The following LRRTM4 variants were observed in gnomAD, a reference collection of about 807,000 sequenced individuals.
LRRTM4 encodes leucine-rich repeat transmembrane neuronal protein 4.
Under a neutral mutation model 47.6 loss-of-function variants are expected in LRRTM4, and 25 were observed. The ratio of observed to expected loss-of-function variants is 0.53; its 90% CI spans 0.38 to 0.73. LRRTM4 has a LOEUF of 0.73. Ranked by LOEUF, LRRTM4 falls within the 30% of genes least tolerant of loss-of-function variation. The pLI is 0.00. For synonymous variants in LRRTM4, 311 were observed against 269.5 expected (o/e 1.15, Z -1.51); for missense variants, 638 against 713.4 (o/e 0.89, Z 1.20).
chr2:76,856,233 C>T (rs1026714331), intron 3 of LRRTM4, among the ~76,000 whole-genome samples: 9 of 151,994 alleles, frequency 5.9e-5, no homozygotes, highest in Admixed American at 1.3e-4. Context: ...GCCAAGATTG[C>T]GCCTTTGCAC....
intron 3 of LRRTM4, among the ~76,000 whole-genome samples, chr2:77,038,050 C>T (rs1678896046): frequency 6.6e-6 from 1 of 151,514 alleles, no homozygotes; most frequent in Non-Finnish European, 1.5e-5. Flanking sequence ...AGACTTTCTC[C>T]CCAGTGATGT....
chr2:76,872,908 T>A (rs1406172284), intron 3 of LRRTM4, among the ~76,000 whole-genome samples: 2 of 152,120 alleles, frequency 1.3e-5, no homozygotes, highest in African/African-American at 4.8e-5. Flanking sequence ...TTGCTCCCTC[T>A]CTTGCCAAAT....
At chr2:77,035,428 C>T (rs550459392) in intron 3 of LRRTM4, among the ~76,000 whole-genome samples, 2 of 151,970 alleles carry the variant, frequency 1.3e-5, no homozygotes, top group South Asian at 2.1e-4. Flanking sequence ...GGTCCGTCCT[C>T]CCTTTTACAG....
At chr2:76,960,276 A>G (rs1264962480) in intron 3 of LRRTM4, among the ~76,000 whole-genome samples, 2 of 151,764 alleles carry the variant, frequency 1.3e-5, no homozygotes, top group African/African-American at 4.8e-5. Flanking sequence ...TACGAGAGAG[A>G]TAACAGTATA....
chr2:77,393,306 A>G (rs138934770), intron 3 of LRRTM4, among the ~76,000 whole-genome samples: 29 of 152,102 alleles, frequency 1.9e-4, no homozygotes, highest in Admixed American at 6.6e-4. Flanking sequence ...TACCAGGCAG[A>G]CTAGAGAGTA....
chr2:77,066,673 GTA>G (rs1463727933), intron 3 of LRRTM4, among the ~76,000 whole-genome samples: 4 of 152,138 alleles, frequency 2.6e-5, no homozygotes, highest in African/African-American at 9.7e-5. Context: ...TATACAAATC[GTA>G]TAGAGATATG....
intron 3 of LRRTM4, among the ~76,000 whole-genome samples, chr2:76,754,609 G>A (rs930552911): frequency 1.3e-5 from 2 of 152,114 alleles, no homozygotes; most frequent in African/African-American, 4.8e-5. Context: ...AAGTGTGAAA[G>A]CTCCCAAGTT....
At chr2:77,465,119 G>GT (rs1376122318) in intron 3 of LRRTM4, among the ~76,000 whole-genome samples, 1 of 152,012 alleles carries the variant, frequency 6.6e-6, no homozygotes, top group Admixed American at 6.6e-5. Context: ...CTGTAATATA[G>GT]TTTTTTTAAA....
intron 3 of LRRTM4, among the ~76,000 whole-genome samples, chr2:77,479,745 T>C (rs968585182): frequency 1.3e-5 from 2 of 151,618 alleles, no homozygotes; most frequent in Non-Finnish European, 2.9e-5. Flanking sequence ...TCTCTTTCTC[T>C]TTCTCTTTCT....
chr2:77,424,303 GA>G (rs10718303), intron 3 of LRRTM4, among the ~76,000 whole-genome samples: 9,263 of 151,994 alleles, frequency 0.061, 927 homozygotes, highest in African/African-American at 0.21. Context: ...TGAATTTTTA[GA>G]AAAAAATGTT....
At chr2:77,292,806 C>A (rs916868399) in intron 3 of LRRTM4, among the ~76,000 whole-genome samples, 5 of 150,762 alleles carry the variant, frequency 3.3e-5, no homozygotes, top group Non-Finnish European at 7.4e-5. Flanking sequence ...ATGTAACTAA[C>A]CTGCACATTG....
chr2:77,044,978 A>G (rs1306917016), intron 3 of LRRTM4, among the ~76,000 whole-genome samples: 2 of 151,804 alleles, frequency 1.3e-5, no homozygotes, highest in African/African-American at 4.8e-5. Flanking sequence ...TCTGGGTAGT[A>G]GGAATGCTGT....
At chr2:76,780,035 G>A (rs1203164007) in intron 3 of LRRTM4, among the ~76,000 whole-genome samples, 1 of 152,122 alleles carries the variant, frequency 6.6e-6, no homozygotes, top group Non-Finnish European at 1.5e-5. Context: ...TAGTTTGGCT[G>A]GATATGCAAT....
At chr2:76,782,366 C>G (rs528759202) in intron 3 of LRRTM4, among the ~76,000 whole-genome samples, 1 of 152,238 alleles carries the variant, frequency 6.6e-6, no homozygotes, top group Non-Finnish European at 1.5e-5. Context: ...TATGACTTTT[C>G]TTTGCTTGGG....
At position 76,816,656 on chromosome 2, in the gene LRRTM4, C is replaced by T. The variant is rs148236357; in HGVS notation, c.1552-67740G>A. ...TTACATATTTTCTTAATAATTAGTT[C>T]CCAGATGTTTCATAACCTGGATCAA... On this transcript the variant is annotated intron_variant, in intron 3 of 3. Coordinates refer to ENST00000409884, the MANE Select transcript of LRRTM4 (RefSeq NM_001134745.3). Among the ~76,000 whole-genome samples, 261 of 151,384 alleles carry T rather than the reference C, an allele frequency of 1.7e-3. 1 individual carries two copies. The highest frequency in any genetic ancestry group is 6.1e-3 in the African/African-American group (251 of 41,354).
At chr2:76,791,529 C>T (rs1321049007) in intron 3 of LRRTM4, among the ~76,000 whole-genome samples, 4 of 152,162 alleles carry the variant, frequency 2.6e-5, no homozygotes, top group African/African-American at 9.7e-5. Context: ...AAAGAAATGG[C>T]ACACCTCTAC....
chr2:77,263,763 C>T (rs2104048033), intron 3 of LRRTM4, among the ~76,000 whole-genome samples: 1 of 152,128 alleles, frequency 6.6e-6, no homozygotes, highest in South Asian at 2.1e-4. Flanking sequence ...GCTTCTTTTA[C>T]TGTAAAGTTA....
intron 3 of LRRTM4, among the ~76,000 whole-genome samples, chr2:76,913,360 G>T (rs753513517): frequency 6.6e-6 from 1 of 150,818 alleles, no homozygotes; most frequent in African/African-American, 2.4e-5. Context: ...GTGTTTCTCT[G>T]ATTATTGCTG....
chr2:76,943,848 A>C (rs999416399), intron 3 of LRRTM4, among the ~76,000 whole-genome samples: 2 of 152,148 alleles, frequency 1.3e-5, no homozygotes, highest in African/African-American at 4.8e-5. Context: ...CTTTGTTTGC[A>C]CCCAGTTCCA....
Sources: allele counts gnomAD v4.1 joint callset (sites outside exome capture counted in the v4.1 genomes callset), GRCh38; gene constraint gnomAD v4.1.1; transcripts MANE v1.5; gene names NCBI Gene and HGNC (gene_info 2026-07-23, HGNC 2026-07-21).